Variants in TTC17 observed in about 807,000 individuals in gnomAD.
The protein encoded by TTC17 is tetratricopeptide repeat domain 17.
Under a neutral mutation model 143.8 loss-of-function variants are expected in TTC17, and 58 were observed. The ratio of observed to expected loss-of-function variants is 0.40; its 90% CI spans 0.33 to 0.50. The LOEUF (loss-of-function observed/expected upper bound fraction) is 0.50, where lower values mean the gene tolerates loss of function less well. Among genes scored for constraint, TTC17 ranks in the 20% least tolerant of loss-of-function variants. The probability of loss-of-function intolerance (pLI) is 0.49; values close to 1 mark genes in which losing one functional copy is unlikely to be tolerated. For missense variants in TTC17, 1,273 were observed against 1,392.5 expected (o/e 0.91, Z 1.37); for synonymous variants, 501 against 497.8 (o/e 1.01, Z -0.09).
intron 21 of TTC17, among the ~76,000 whole-genome samples, chr11:43,484,239 G>T (rs1334654110): frequency 6.6e-6 from 1 of 152,142 alleles, no homozygotes; most frequent in East Asian, 1.9e-4. Flanking sequence ...AAACCCCAAA[G>T]ACTCCACAGT....
At chr11:43,370,213 C>T (rs1856510127) in intron 1 of TTC17, 1 of 381,332 alleles carries the variant, frequency 2.6e-6, no homozygotes, top group African/African-American at 2.1e-5. Context: ...AGAGATAATT[C>T]CATGAGAAGT....
At position 43,398,041 on chromosome 11, in the gene TTC17, A is replaced by G. The variant is rs139431536; in HGVS notation, c.986A>G (p.Glu329Gly). The G allele has an allele frequency of 2.0e-4, 316 of 1,613,836 alleles. No individual in the cohort carries two copies. In the Middle Eastern group the frequency reaches 2.0e-3, roughly 10 times the overall value. The part of the protein sequence containing the change: ...DHALQARPGF[E>G]QAIKRKHAVL... ...GCTTTGCAGGCCAGACCTGGGTTTG[A>G]GCAAGCTATAAAGAGGAAGCATGCT... The change falls in exon 8 of 24, where the codon GAG becomes GGG. Residue 329 changes from glutamate (E) to glycine (G), a missense_variant. Glu to Gly is a moderately conservative substitution (Grantham distance 98). Coordinates refer to ENST00000039989, the MANE Select transcript of TTC17 (RefSeq NM_018259.6).
At chr11:43,369,600 T>A (rs1157149421) in intron 1 of TTC17, among the ~76,000 whole-genome samples, 1 of 151,944 alleles carries the variant, frequency 6.6e-6, no homozygotes, top group Non-Finnish European at 1.5e-5. Flanking sequence ...CCTGTAAGAT[T>A]AAAATTTGTT....
At chr11:43,422,740 A>C (rs1300664989) in intron 16 of TTC17, among the ~76,000 whole-genome samples, 1 of 152,200 alleles carries the variant, frequency 6.6e-6, no homozygotes, top group Non-Finnish European at 1.5e-5. Flanking sequence ...GGATTTAGTA[A>C]CATGGAGATT....
chr11:43,379,170 C>T, intron 1 of TTC17, 63 bp from the exon 2 acceptor site: 1 of 1,433,086 alleles, frequency 7.0e-7, no homozygotes, highest in Non-Finnish European at 9.7e-7. Flanking sequence ...ATATTAATGA[C>T]TTTGTTAATC....
At chr11:43,408,898 C>T (rs934317596) in intron 15 of TTC17, among the ~76,000 whole-genome samples, 2 of 152,014 alleles carry the variant, frequency 1.3e-5, no homozygotes, top group African/African-American at 4.8e-5. Flanking sequence ...TGCACCACTG[C>T]GTATGGCTGA....
chr11:43,429,403 T>C (rs780769845), intron 16 of TTC17, among the ~76,000 whole-genome samples: 3 of 152,232 alleles, frequency 2.0e-5, no homozygotes, highest in Non-Finnish European at 2.9e-5. Context: ...CATAAAGGTA[T>C]CTATTCCCAG....
intron 21 of TTC17, among the ~76,000 whole-genome samples, chr11:43,484,376 T>C (rs1948343245): frequency 6.6e-6 from 1 of 152,152 alleles, no homozygotes; most frequent in Admixed American, 6.5e-5. Flanking sequence ...TATAAAAATA[T>C]AAAGTTCTCA....
rs1857304403 is a variant in TTC17, at chr11:43,389,693, G to A, written c.291G>A (p.Glu97=). 2.5e-6 allele frequency: 4 copies of A among 1,612,976 alleles called. No homozygotes were observed. Among genetic ancestry groups the A allele is most frequent in the Non-Finnish European group, 3.4e-6 (4 of 1,179,546 alleles). ...AAAAAATTCACATAGAAGAGAATGA[G>A]GACAGAGACACAGGACTGGAACAGA... ...VAQKIHIEEN[E]DRDTGLEQRH... The change falls in exon 3 of 24, where the codon GAG becomes GAA. Residue 97 remains glutamate, a synonymous_variant. Coordinates refer to ENST00000039989, the MANE Select transcript of TTC17 (RefSeq NM_018259.6).
intron 16 of TTC17, among the ~76,000 whole-genome samples, chr11:43,435,981 A>C (rs879319505): frequency 5.9e-5 from 9 of 152,228 alleles, no homozygotes; most frequent in Non-Finnish European, 1.3e-4. Flanking sequence ...ACTTCAGCGC[A>C]AAATCTTGAA....
chr11:43,444,140 G>A lies in TTC17; in HGVS notation c.2596G>A (p.Glu866Lys). Residue 866 changes from glutamate to lysine, a missense_variant, in exon 18 of 24, where the codon GAA becomes AAA. Coordinates refer to ENST00000039989, the MANE Select transcript of TTC17 (RefSeq NM_018259.6). The part of the protein sequence containing the change: ...PGKKVETGQI[E>K]NGHRYQANLE... Reference sequence around the variant, plus strand: ...GAAAAAAGTAGAAACAGGTCAGATAGAAAATGGACATCGTTACCAAGCAAA... The same window carrying A: ...GAAAAAAGTAGAAACAGGTCAGATAAAAAATGGACATCGTTACCAAGCAAA... The A allele has an allele frequency of 6.2e-7, 1 of 1,613,306 alleles. No homozygotes were observed. Among genetic ancestry groups the A allele is most frequent in the Non-Finnish European group, 8.5e-7 (1 of 1,179,610 alleles).
chr11:43,455,065 C>G (rs1225472726), intron 21 of TTC17, among the ~76,000 whole-genome samples: 1 of 151,364 alleles, frequency 6.6e-6, no homozygotes, highest in Admixed American at 6.6e-5. Context: ...GTAGCATTTT[C>G]TGGCCAGAAT....
chr11:43,405,125 T>G lies in TTC17; in HGVS notation c.1480-389T>G, dbSNP rs1260775743. Among the ~76,000 whole-genome samples, 3 of 148,378 alleles carry G rather than the reference T, an allele frequency of 2.0e-5. No homozygotes were observed. In the East Asian group the frequency reaches 6.1e-4, roughly 30 times the overall value. On this transcript the variant is annotated intron_variant, in intron 11 of 23. Transcript: ENST00000039989. Reference sequence around the variant, plus strand: ...TTTTTTTTTTTTCTTCACTCTGCCATCCACAGTATTGGTTTCATCCAAAAG... The same window carrying G: ...TTTTTTTTTTTTCTTCACTCTGCCAGCCACAGTATTGGTTTCATCCAAAAG...
intron 15 of TTC17, among the ~76,000 whole-genome samples, chr11:43,412,612 C>G (rs1292167083): frequency 7.2e-5 from 11 of 152,240 alleles, no homozygotes; most frequent in African/African-American, 2.2e-4. Context: ...CCCAAACATT[C>G]CAAAATTCAA....
intron 21 of TTC17, among the ~76,000 whole-genome samples, chr11:43,470,291 C>G (rs139338406): frequency 1.3e-5 from 2 of 152,202 alleles, no homozygotes; most frequent in South Asian, 2.1e-4. Flanking sequence ...AGGGGCCATT[C>G]TCTGCCCACC....
chr11:43,433,099 C>G (rs1947196513), intron 16 of TTC17, among the ~76,000 whole-genome samples: 1 of 152,296 alleles, frequency 6.6e-6, no homozygotes, highest in African/African-American at 2.4e-5. Context: ...CTCCCAAGTT[C>G]AAGCGATTCT....
chr11:43,440,321 G>A (rs991934161), intron 16 of TTC17, among the ~76,000 whole-genome samples: 16 of 152,144 alleles, frequency 1.1e-4, no homozygotes, highest in Non-Finnish European at 2.2e-4. Flanking sequence ...AATGACAAGT[G>A]TCTACAATTC....
chr11:43,435,132 TC>T (rs1947263237), intron 16 of TTC17: 1 of 152,016 alleles, frequency 6.6e-6, no homozygotes, highest in Admixed American at 6.6e-5. Context: ...GATAGATAGA[TC>T]GGTCTATCTT....
chr11:43,479,247 G>A (rs370765074), intron 21 of TTC17, among the ~76,000 whole-genome samples: 13,281 of 145,340 alleles, frequency 0.091, 747 homozygotes, highest in Middle Eastern at 0.14. Flanking sequence ...CTCAAAAAAA[G>A]AAAAAAAAAA....
Sources: gnomAD v4.1 joint callset for allele counts (sites outside exome capture counted in the v4.1 genomes callset) on GRCh38, gnomAD v4.1.1 for gene constraint, MANE v1.5 for transcripts, NCBI Gene and HGNC (gene_info 2026-07-23, HGNC 2026-07-21) for gene names.